ARHGEF10L: variants seen among roughly 807,000 people sequenced by gnomAD.
The protein encoded by ARHGEF10L is rho guanine nucleotide exchange factor 10-like protein.
ARHGEF10L carries 69 observed loss-of-function variants against 141.2 expected under a neutral mutation model. The observed-to-expected ratio is 0.49, with a 90% CI of 0.40 to 0.60. The LOEUF is 0.60. Ranked by LOEUF, ARHGEF10L falls within the 20% of genes least tolerant of loss-of-function variation. ARHGEF10L has a pLI of 0.00. For synonymous variants in ARHGEF10L, 711 were observed against 718.5 expected, an observed-to-expected ratio of 0.99 and a Z score of 0.17; for missense variants, 1,482 against 1,734.3, an observed-to-expected ratio of 0.85 and a Z score of 2.58.
In ARHGEF10L at chr1:17,607,726, A is replaced by G. The variant is rs878966067; in HGVS notation, c.434-76A>G. The G allele has an allele frequency of 1.7e-5, 23 of 1,379,820 alleles. No homozygotes were observed. In the South Asian group the frequency reaches 3.7e-4, roughly 22 times the overall value. 85.5% of individuals were successfully genotyped at this position (1,379,820 alleles called of 1,614,324 possible). ...CCCCCCTCGCCCCACCTGGGTTCAG[A>G]AATTGGGTCTGAGGCTGGAAGTCTG... On this transcript the variant is annotated intron_variant, in intron 6 of 28. Transcript: ENST00000361221. This position sits in a 1 kb window ranked among gnomAD's most constrained non-coding sequence, Gnocchi z 4.5.
In ARHGEF10L at chr1:17,603,426, G is replaced by A. The variant is rs1201834539; in HGVS notation, c.350-82G>A. 9.1e-7 allele frequency: 1 copy of A among 1,098,752 alleles called. No homozygotes were observed. Among genetic ancestry groups the A allele is most frequent in the Non-Finnish European group, 1.3e-6 (1 of 754,166 alleles). The allele number at this position is 1,098,752 out of a possible 1,614,324, so 68.1% of individuals were successfully genotyped here. ...AGGGTGCTGCGTGCCACCAGCTGGT[G>A]CAGTCCTGATGTCATCTGCAGCACC... is the stretch of plus-strand genomic sequence containing the variant. On this transcript the variant is annotated intron_variant, in intron 5 of 28. Coordinates refer to ENST00000361221, the MANE Select transcript of ARHGEF10L (RefSeq NM_018125.4). This position sits in a 1 kb window ranked among gnomAD's most constrained non-coding sequence, Gnocchi z 4.8.
intron 1 of ARHGEF10L, among the ~76,000 whole-genome samples, chr1:17,564,219 G>A (rs1417236681): frequency 6.6e-6 from 1 of 152,130 alleles, no homozygotes; most frequent in Non-Finnish European, 1.5e-5. Context: ...AGATGGCCTG[G>A]GTGAATCCCA....
intron 20 of ARHGEF10L, 97 bp from the exon 21 acceptor site, chr1:17,640,105 C>T (rs2061244092): frequency 6.6e-6 from 10 of 1,508,562 alleles, no homozygotes; most frequent in African/African-American, 2.8e-5. Flanking sequence ...CCTTGATCTC[C>T]AGGGCGCGTG....
chr1:17,687,180 T>C (rs1238886321), intron 26 of ARHGEF10L, among the ~76,000 whole-genome samples: 1 of 152,156 alleles, frequency 6.6e-6, no homozygotes, highest in Non-Finnish European at 1.5e-5. Context: ...ATCTTTCCCT[T>C]CCGTAAGGTA....
chr1:17,549,441 G>T (rs886356959), intron 1 of ARHGEF10L, among the ~76,000 whole-genome samples: 2 of 152,160 alleles, frequency 1.3e-5, no homozygotes, highest in Non-Finnish European at 2.9e-5. Context: ...GTGATAACTG[G>T]GGATGAGGGG....
At position 17,655,964 on chromosome 1, in the gene ARHGEF10L, C is replaced by T. The variant is rs2062218509; in HGVS notation, c.2567C>T (p.Pro856Leu). ...RPSPRTVKSF[P>L]LAAPVLCMEY... ...TCGCCCCGCACCGTCAAGTCCTTCC[C>T]ACTGGCAGCCCCTGTGCTCTGCATG... The change falls in exon 24 of 29, where the codon CCA becomes CTA. Residue 856 changes from proline to leucine, a missense_variant. Physicochemically the swap from Pro to Leu is moderately conservative, Grantham distance 98. Coordinates refer to ENST00000361221, the MANE Select transcript of ARHGEF10L (RefSeq NM_018125.4). 6.4e-7 allele frequency: 1 copy of T among 1,563,914 alleles called. No individual in the cohort carries two copies.
intron 16 of ARHGEF10L, chr1:17,634,260 G>T (rs1290665798): frequency 5.4e-6 from 3 of 553,738 alleles, no homozygotes; most frequent in East Asian, 3.2e-5. Context: ...CGGTTTTGGG[G>T]AATCAGTTTG....
chr1:17,544,521 CT>C (rs995221922), intron 1 of ARHGEF10L, among the ~76,000 whole-genome samples: 1 of 152,084 alleles, frequency 6.6e-6, no homozygotes, highest in Non-Finnish European at 1.5e-5. Context: ...TCTCAAACTC[CT>C]GACCTCAGGT....
In ARHGEF10L at chr1:17,637,883, C is replaced by A. The variant is rs778413129; in HGVS notation, c.1928-5C>A. On this transcript the variant is annotated splice_polypyrimidine_tract_variant and splice_region_variant and intron_variant, in intron 18 of 28. Transcript: ENST00000361221. ...TGTGCCTGAGTTGGTCTCTTCTCTG[C>A]CCAGATAAGGTGTACCTCGGCCCCC... 1 of 1,579,942 alleles carries A rather than the reference C, an allele frequency of 6.3e-7. No individual in the cohort carries two copies.
rs112634933 is a variant in ARHGEF10L at position 17,580,648 on chromosome 1, C to T, written c.37+16C>T. 3.5e-5 allele frequency: 57 copies of T among 1,614,086 alleles called. No homozygotes were observed. The African/African-American group carries it at 6.0e-4, about 17-fold the overall frequency. ...CCTGCCATAGGTACCGTACCCAGGG[C>T]TTCCTGTCCCTCTCATCCTTTCTTA... On this transcript the variant is annotated intron_variant, in intron 2 of 28. Coordinates refer to ENST00000361221, the MANE Select transcript of ARHGEF10L (RefSeq NM_018125.4).
In ARHGEF10L at chr1:17,697,387, C is replaced by T. The variant is rs370046991; in HGVS notation, c.*7C>T. On this transcript the variant is annotated 3_prime_UTR_variant, in exon 29 of 29. Transcript: ENST00000361221. The surrounding 1 kb of genome is among the most constrained non-coding windows in gnomAD (Gnocchi z 4.8). ...GGTGCCCTTGATGCTATAGCGCCTCCCCTCTCCCCTCAGAGGGCACAGCTG... is the reference window on the plus strand; with the variant it reads ...GGTGCCCTTGATGCTATAGCGCCTCTCCTCTCCCCTCAGAGGGCACAGCTG... 4.3e-5 allele frequency: 67 copies of T among 1,574,880 alleles called. No individual in the cohort carries two copies. Among genetic ancestry groups the T allele is most frequent in the African/African-American group, 3.4e-4 (25 of 74,270 alleles).
At chr1:17,634,310 G>A in intron 16 of ARHGEF10L, 1 of 671,920 alleles carries the variant, frequency 1.5e-6, no homozygotes, top group Non-Finnish European at 2.6e-6. Flanking sequence ...CTGAGGATCA[G>A]TGTCCTTGTC....
intron 1 of ARHGEF10L, among the ~76,000 whole-genome samples, chr1:17,552,833 C>T (rs1271999905): frequency 6.6e-6 from 1 of 152,148 alleles, no homozygotes; most frequent in Admixed American, 6.5e-5. Flanking sequence ...CCAGGTCACA[C>T]AGCTAGTAAA....
intron 1 of ARHGEF10L, among the ~76,000 whole-genome samples, chr1:17,553,899 T>C (rs1170404611): frequency 6.6e-6 from 1 of 152,234 alleles, no homozygotes; most frequent in Non-Finnish European, 1.5e-5. Context: ...TTTTTTTGCC[T>C]ACTCAACAGG....
At chr1:17,671,213 G>T (rs958880208) in intron 26 of ARHGEF10L, among the ~76,000 whole-genome samples, 1 of 152,236 alleles carries the variant, frequency 6.6e-6, no homozygotes, top group South Asian at 2.1e-4. Flanking sequence ...CAGGGCCCTC[G>T]CAGGACTCTG....
upstream of ARHGEF10L, among the ~76,000 whole-genome samples, chr1:17,537,575 A>G (rs1280768011): frequency 6.6e-6 from 1 of 152,148 alleles, no homozygotes; most frequent in Non-Finnish European, 1.5e-5. Flanking sequence ...AGGTCAGGGA[A>G]TGGAGGAGGC....
chr1:17,543,212 C>T (rs1449160085), intron 1 of ARHGEF10L, among the ~76,000 whole-genome samples: 1 of 152,124 alleles, frequency 6.6e-6, no homozygotes, highest in African/African-American at 2.4e-5. Context: ...AGTTGGGAGC[C>T]AGCTCACACC....
At chr1:17,589,015 G>A (rs1041777388) in intron 4 of ARHGEF10L, among the ~76,000 whole-genome samples, 1 of 151,972 alleles carries the variant, frequency 6.6e-6, no homozygotes, top group African/African-American at 2.4e-5. Flanking sequence ...GTTGCTATTA[G>A]GGACCCTGCC....
At chr1:17,643,907 T>C (rs1466509676) in intron 21 of ARHGEF10L, among the ~76,000 whole-genome samples, 1 of 152,144 alleles carries the variant, frequency 6.6e-6, no homozygotes, top group African/African-American at 2.4e-5. Context: ...TAGGCTCTTG[T>C]TGGTAAAAGC....
Sources: gnomAD v4.1 joint callset for allele counts (sites outside exome capture counted in the v4.1 genomes callset) on GRCh38, gnomAD v4.1.1 for gene constraint, Gnocchi (gnomAD v3.1) non-coding constraint, MANE v1.5 for transcripts, NCBI Gene and HGNC (gene_info 2026-07-23, HGNC 2026-07-21) for gene names.